RETREG1: variants seen among roughly 807,000 people sequenced by gnomAD.
RETREG1 encodes family with sequence similarity 134 member B.
In RETREG1, 44 loss-of-function variants were observed where a neutral mutation model predicts 54.8. That is an observed-to-expected ratio of 0.80 (90% CI 0.63 to 1.03). The LOEUF is 1.03. Ranked by LOEUF, RETREG1 falls within the 50% of genes least tolerant of loss-of-function variation. The pLI, the probability that RETREG1 is intolerant of heterozygous loss-of-function variation, is 0.00. For synonymous variants in RETREG1, 217 were observed against 238.5 expected (o/e 0.91, Z 0.83); for missense variants, 554 against 605.1 (o/e 0.92, Z 0.89).
At chr5:16,542,625 G>T (rs1383824172) in intron 3 of RETREG1, among the ~76,000 whole-genome samples, 2 of 152,044 alleles carry the variant, frequency 1.3e-5, no homozygotes, top group East Asian at 1.9e-4. Context: ...AATCTATAAG[G>T]CATCTTCAAA....
chr5:16,580,093 G>T lies in RETREG1; in HGVS notation c.321-7991C>A, dbSNP rs1367438248. Among the ~76,000 whole-genome samples the T allele has an allele frequency of 3.3e-5, 5 of 152,304 alleles. No homozygotes were observed. The South Asian group carries it at 1.0e-3, about 32-fold the overall frequency. On this transcript the variant is annotated intron_variant, in intron 1 of 8. Coordinates refer to ENST00000306320, the MANE Select transcript of RETREG1 (RefSeq NM_001034850.3). ...AATCTAAATATGTCCTATGCAGTTTGTTCTTGTTTGACACGTCCTACATTC... is the reference window on the plus strand; with the variant it reads ...AATCTAAATATGTCCTATGCAGTTTTTTCTTGTTTGACACGTCCTACATTC...
At chr5:16,495,693 C>T (rs992814880) in intron 3 of RETREG1, among the ~76,000 whole-genome samples, 12 of 151,800 alleles carry the variant, frequency 7.9e-5, no homozygotes, top group Non-Finnish European at 1.8e-4. Flanking sequence ...CCCAGCTACT[C>T]GGGAGGCTGA....
chr5:16,586,352 G>A (rs1742627180), intron 1 of RETREG1, among the ~76,000 whole-genome samples: 1 of 152,192 alleles, frequency 6.6e-6, no homozygotes, highest in African/African-American at 2.4e-5. Flanking sequence ...GTCTAGCATG[G>A]CCAGTGAGAA....
chr5:16,501,235 C>T (rs2126550453), intron 3 of RETREG1, among the ~76,000 whole-genome samples: 1 of 152,244 alleles, frequency 6.6e-6, no homozygotes, highest in African/African-American at 2.4e-5. Flanking sequence ...GCCCATTTTG[C>T]TGATGACAAA....
intron 3 of RETREG1, among the ~76,000 whole-genome samples, chr5:16,522,881 C>T (rs1237002234): frequency 6.6e-6 from 1 of 152,058 alleles, no homozygotes; most frequent in African/African-American, 2.4e-5. Flanking sequence ...TAGCACAAGC[C>T]TGTAGTCCCA....
rs751270886 is a variant in RETREG1 at position 16,616,901 on chromosome 5, G to T, written c.71C>A (p.Pro24Gln). Residue 24 changes from proline to glutamine, a missense_variant, in exon 1 of 9, where the codon CCG becomes CAG. By Grantham distance (76) the Pro-to-Gln change is moderately conservative (BLOSUM62 -1). Transcript: ENST00000306320. ...CPAPAAEEQA[P>Q]PSPPPPQASP... ...TGCCTGGGGCGGTGGCGGCGACGGC[G>T]GCGCCTGCTCCTCGGCGGCAGGAGC... 2 of 1,481,138 alleles carry T rather than the reference G, an allele frequency of 1.4e-6. No homozygotes were observed. Among genetic ancestry groups the T allele is most frequent in the Admixed American group, 2.3e-5 (1 of 43,492 alleles). The allele number at this position is 1,481,138 out of a possible 1,614,324, so 91.7% of individuals were successfully genotyped here. A position where few individuals can be genotyped will look rare whatever the true frequency, so the allele number is the denominator to read the frequency against.
intron 3 of RETREG1, among the ~76,000 whole-genome samples, chr5:16,486,923 C>T (rs1175746975): frequency 6.6e-6 from 1 of 152,206 alleles, no homozygotes; most frequent in African/African-American, 2.4e-5. Context: ...CACACACACA[C>T]ATACACACGC....
At chr5:16,613,980 C>A (rs1307312632) in intron 1 of RETREG1, among the ~76,000 whole-genome samples, 1 of 152,004 alleles carries the variant, frequency 6.6e-6, no homozygotes, top group Non-Finnish European at 1.5e-5. Context: ...AATGCAAAAG[C>A]AACAAGTAAT....
chr5:16,616,184 A>T, intron 1 of RETREG1: 1 of 159,814 alleles, frequency 6.3e-6, no homozygotes. Context: ...CAAATCATTC[A>T]GGGCCCATCT....
rs1209980699 is a variant in RETREG1 at position 16,477,685 on chromosome 5, G to C, written c.977C>G (p.Thr326Ser). Reference protein sequence around the residue: ...NGTFNLSEGYTPQTDTSDDLD... With the variant: ...NGTFNLSEGYSPQTDTSDDLD... ...ACCATCAGAAGTGTCTGTCTGTGGA[G>C]TGTATCCTTCTGAAAGGTTGAAGGT... is the stretch of plus-strand genomic sequence containing the variant. The change falls in exon 8 of 9, where the codon ACT becomes AGT. Residue 326 changes from threonine (T) to serine (S), a missense_variant. Thr to Ser is a moderately conservative substitution (Grantham distance 58, BLOSUM62 1). Coordinates refer to ENST00000306320, the MANE Select transcript of RETREG1 (RefSeq NM_001034850.3). The C allele has an allele frequency of 2.5e-6, 4 of 1,612,894 alleles. No individual in the cohort carries two copies. The highest frequency in any genetic ancestry group is 1.7e-5 in the Admixed American group (1 of 59,870).
chr5:16,483,510 T>G lies in RETREG1; in HGVS notation c.459-38A>C, dbSNP rs762491832. 9 of 1,607,806 alleles carry G rather than the reference T, an allele frequency of 5.6e-6. No individual in the cohort carries two copies. In the Admixed American group the frequency reaches 1.5e-4, roughly 27 times the overall value. On this transcript the variant is annotated intron_variant, in intron 3 of 8. Transcript: ENST00000306320. ...AAAGAAAAAAAATACTACTGAACTT[T>G]GGATGATTCATTCAACATTTATGGC...
chr5:16,548,198 C>T (rs367594314), intron 3 of RETREG1, among the ~76,000 whole-genome samples: 1 of 152,040 alleles, frequency 6.6e-6, no homozygotes, highest in Non-Finnish European at 1.5e-5. Flanking sequence ...GTTATACGTC[C>T]ATACTCTCAC....
intron 3 of RETREG1, among the ~76,000 whole-genome samples, chr5:16,502,619 C>T (rs1229495629): frequency 6.6e-6 from 1 of 152,184 alleles, no homozygotes; most frequent in Non-Finnish European, 1.5e-5. Context: ...CCAGGAAGAA[C>T]TAGAAGACAG....
chr5:16,525,761 T>TAC (rs1198792904), intron 3 of RETREG1, among the ~76,000 whole-genome samples: 3 of 83,668 alleles, frequency 3.6e-5, no homozygotes, highest in African/African-American at 1.3e-4. Flanking sequence ...TGTATATATA[T>TAC]ACACAGAGAG....
chr5:16,614,394 G>A (rs975083827), intron 1 of RETREG1, among the ~76,000 whole-genome samples: 3 of 152,206 alleles, frequency 2.0e-5, no homozygotes, highest in Non-Finnish European at 4.4e-5. Flanking sequence ...CTGATAAATG[G>A]TAAATGTGGT....
chr5:16,524,464 A>G (rs975488361), intron 3 of RETREG1, among the ~76,000 whole-genome samples: 3 of 152,190 alleles, frequency 2.0e-5, no homozygotes, highest in Admixed American at 6.5e-5. Context: ...TTTAAAATAG[A>G]AAGGGGACTT....
At chr5:16,494,354 A>C (rs1739366267) in intron 3 of RETREG1, among the ~76,000 whole-genome samples, 1 of 152,226 alleles carries the variant, frequency 6.6e-6, no homozygotes, top group African/African-American at 2.4e-5. Flanking sequence ...ACATGGTTTG[A>C]ATCTGTGTCC....
chr5:16,487,501 A>G (rs1236422050), intron 3 of RETREG1, among the ~76,000 whole-genome samples: 1 of 152,204 alleles, frequency 6.6e-6, no homozygotes, highest in African/African-American at 2.4e-5. Context: ...AGTAGTTCCC[A>G]GGGAGAAGTC....
At chr5:16,610,440 A>C (rs1210612817) in intron 1 of RETREG1, among the ~76,000 whole-genome samples, 1 of 152,178 alleles carries the variant, frequency 6.6e-6, no homozygotes, top group Non-Finnish European at 1.5e-5. Context: ...ATGGGTCCAA[A>C]ACCAAATCAC....
Sources: allele counts gnomAD v4.1 joint callset (sites outside exome capture counted in the v4.1 genomes callset), GRCh38; gene constraint gnomAD v4.1.1; transcripts MANE v1.5; gene names NCBI Gene and HGNC (gene_info 2026-07-23, HGNC 2026-07-21).